The following PRRX2 variants were observed in gnomAD, a reference collection of about 807,000 sequenced individuals.
PRRX2 encodes paired related homeobox 2, also known as paired mesoderm homeobox protein 2.
In PRRX2, 11 loss-of-function variants were observed where a neutral mutation model predicts 18.0. The ratio of observed to expected loss-of-function variants is 0.61; its 90% CI spans 0.39 to 1.01. PRRX2 has a LOEUF of 1.01. PRRX2 is among the 50% of genes least tolerant of loss of function. The probability of loss-of-function intolerance (pLI) is 0.01; values close to 1 mark genes in which losing one functional copy is unlikely to be tolerated. For missense variants in PRRX2, 387 were observed against 351.0 expected (o/e 1.10, Z -0.82); for synonymous variants, 177 against 154.8 (o/e 1.14, Z -1.06).
chr9:129,675,634 C>T lies in PRRX2; in HGVS notation c.259+9508C>T, dbSNP rs1832154284. ...CCCCACCCCCGCCTCCCTGTCTGTC[C>T]TCCCCCACTGCCGGTCTCCCCCTCG... On this transcript the variant is annotated intron_variant, in intron 1 of 3. Transcript: ENST00000372469. The surrounding 1 kb of genome is among the most constrained non-coding windows in gnomAD (Gnocchi z 4.4). Among the ~76,000 whole-genome samples, 1 of 151,730 alleles carries T rather than the reference C, an allele frequency of 6.6e-6. No individual in the cohort carries two copies. The highest frequency in any genetic ancestry group is 2.4e-5 in the African/African-American group (1 of 41,288).
chr9:129,715,327 G>A lies in PRRX2; in HGVS notation c.260-3904G>A, dbSNP rs2130933605. 6.6e-6 allele frequency among the ~76,000 whole-genome samples: 1 copy of A among 152,294 alleles called. No individual in the cohort carries two copies. Among genetic ancestry groups the A allele is most frequent in the African/African-American group, 2.4e-5 (1 of 41,570 alleles). ...GATATTTAGCAAGGCCAAGCATGGT[G>A]GCTCGTGCCTGTAATCCCAGTACTT... is the stretch of plus-strand genomic sequence containing the variant. On this transcript the variant is annotated intron_variant, in intron 1 of 3. Coordinates refer to ENST00000372469, the MANE Select transcript of PRRX2 (RefSeq NM_016307.4). The surrounding 1 kb of genome is among the most constrained non-coding windows in gnomAD (Gnocchi z 4.0).
At chr9:129,721,061 G>A (rs1205344010) in intron 3 of PRRX2, among the ~76,000 whole-genome samples, 2 of 152,226 alleles carry the variant, frequency 1.3e-5, no homozygotes, top group African/African-American at 2.4e-5. Flanking sequence ...GCAAAGGAGC[G>A]TGCAAGCATG....
intron 1 of PRRX2, among the ~76,000 whole-genome samples, chr9:129,674,184 G>T (rs1397767679): frequency 6.6e-6 from 1 of 152,164 alleles, no homozygotes; most frequent in Non-Finnish European, 1.5e-5. Context: ...GGGTCCAGCT[G>T]CCCTGCTCTG....
In PRRX2 at chr9:129,715,615, G is replaced by A. The variant is rs909521266; in HGVS notation, c.260-3616G>A. 6.6e-6 allele frequency among the ~76,000 whole-genome samples: 1 copy of A among 151,898 alleles called. No homozygotes were observed. Among genetic ancestry groups the A allele is most frequent in the African/African-American group, 2.4e-5 (1 of 41,344 alleles). On this transcript the variant is annotated intron_variant, in intron 1 of 3. Coordinates refer to ENST00000372469, the MANE Select transcript of PRRX2 (RefSeq NM_016307.4). This position sits in a 1 kb window ranked among gnomAD's most constrained non-coding sequence, Gnocchi z 4.0. The stretch of plus-strand genomic sequence containing the variant: ...CAAAAAATAAAAAAGATATTTAGCA[G>A]CACTCCTGGCCTCTTTACCATTAGA...
intron 1 of PRRX2, among the ~76,000 whole-genome samples, chr9:129,711,608 C>T (rs1224854240): frequency 6.6e-6 from 1 of 151,952 alleles, no homozygotes; most frequent in African/African-American, 2.4e-5. Flanking sequence ...GGGGTTTCAC[C>T]ATGTTGGCCG....
At chr9:129,672,233 G>C (rs1442424920) in intron 1 of PRRX2, among the ~76,000 whole-genome samples, 3 of 152,198 alleles carry the variant, frequency 2.0e-5, no homozygotes, top group Admixed American at 2.0e-4. Context: ...TGGAGCAGAA[G>C]GGGGTGGCCG....
At position 129,715,182 on chromosome 9, in the gene PRRX2, G is replaced by A. The variant is rs1186823778; in HGVS notation, c.260-4049G>A. On this transcript the variant is annotated intron_variant, in intron 1 of 3. Coordinates refer to ENST00000372469, the MANE Select transcript of PRRX2 (RefSeq NM_016307.4). The surrounding 1 kb of genome is among the most constrained non-coding windows in gnomAD (Gnocchi z 4.0). ...ATGTTTGCAAGTATTTCCCAAAGGG[G>A]GAAACTTCTGAACATAACCTCCTAG... Among the ~76,000 whole-genome samples, 1 of 152,122 alleles carries A rather than the reference G, an allele frequency of 6.6e-6. No homozygotes were observed. The highest frequency in any genetic ancestry group is 1.9e-4 in the East Asian group (1 of 5,198).
At chr9:129,711,736 G>A (rs1405007278) in intron 1 of PRRX2, among the ~76,000 whole-genome samples, 5 of 152,012 alleles carry the variant, frequency 3.3e-5, no homozygotes, top group Non-Finnish European at 5.9e-5. Flanking sequence ...GGCTGGGAGC[G>A]GTTAAAGGTT....
At chr9:129,679,719 C>T (rs1364341171) in intron 1 of PRRX2, among the ~76,000 whole-genome samples, 3 of 152,176 alleles carry the variant, frequency 2.0e-5, no homozygotes, top group Non-Finnish European at 2.9e-5. Flanking sequence ...GGCTGCTGAA[C>T]GAAACCAGAG....
Position 129,711,399 on chromosome 9 carries a change from C to CTTTTT in PRRX2, c.260-7812_260-7808dup, listed in dbSNP as rs897807963. Among the ~76,000 whole-genome samples the CTTTTT allele has an allele frequency of 3.1e-3, 265 of 85,040 alleles. 5 individuals are homozygous for CTTTTT. Among genetic ancestry groups the CTTTTT allele is most frequent in the Non-Finnish European group, 4.3e-3 (192 of 45,072 alleles). The allele number at this position is 85,040 out of a possible 152,430, so 55.8% of individuals were successfully genotyped here. ...ATTCCCATTTTTCAGGTGAGATTCT[C>CTTTTT]TTTTTTTTTTTTTTTTTTTTTTTTG... On this transcript the variant is annotated intron_variant, in intron 1 of 3. Transcript: ENST00000372469.
In PRRX2 at chr9:129,722,488, G is replaced by A. The variant is rs1192227862; in HGVS notation, c.*136G>A. 1.2e-5 allele frequency: 12 copies of A among 994,348 alleles called. No individual in the cohort carries two copies. The highest frequency in any genetic ancestry group is 1.7e-5 in the African/African-American group (1 of 59,486). 61.6% of individuals were successfully genotyped at this position (994,348 alleles called of 1,614,324 possible). ...CCAGCCTGGACTCCCGAGCCCACGA[G>A]GCTGTTGAGGCCCCTGCAGCCGGGC... On this transcript the variant is annotated 3_prime_UTR_variant, in exon 4 of 4. Transcript: ENST00000372469.
chr9:129,722,254 G>A lies in PRRX2; in HGVS notation c.664G>A (p.Ala222Thr), dbSNP rs566612578. The change falls in exon 4 of 4, where the codon GCA becomes ACA. Residue 222 changes from alanine (A) to threonine (T), a missense_variant. Transcript: ENST00000372469. ...PPYSPGSSGP[A>T]TPGVNMANSI... ...CTACAGCCCTGGGAGCTCAGGCCCC[G>A]CAACCCCAGGGGTCAACATGGCCAA... The A allele has an allele frequency of 9.9e-6, 16 of 1,613,786 alleles. No homozygotes were observed. Among genetic ancestry groups the A allele is most frequent in the East Asian group, 8.9e-5 (4 of 44,886 alleles).
rs1296391377 is a variant in PRRX2 at position 129,709,098 on chromosome 9, G to A, written c.260-10133G>A. ...GGCTGGGCATGTAGGCTGAAATCCA[G>A]GGCTGGGTCAGCTTTAGCCAGTGCG... On this transcript the variant is annotated intron_variant, in intron 1 of 3. Transcript: ENST00000372469. The surrounding 1 kb of genome is among the most constrained non-coding windows in gnomAD (Gnocchi z 4.2). Among the ~76,000 whole-genome samples the A allele has an allele frequency of 6.6e-6, 1 of 152,102 alleles. No homozygotes were observed. Among genetic ancestry groups the A allele is most frequent in the Non-Finnish European group, 1.5e-5 (1 of 68,014 alleles).
Position 129,720,507 on chromosome 9 carries a change from G to A in PRRX2, c.448-89G>A, listed in dbSNP as rs574441963. The stretch of plus-strand genomic sequence containing the variant: ...AGAGAGGTGACGCTGCCAGCCCTGG[G>A]CTGGTGACAGAGCAGGCACACACCC... On this transcript the variant is annotated intron_variant, in intron 2 of 3. Transcript: ENST00000372469. 5.4e-6 allele frequency: 7 copies of A among 1,302,810 alleles called. No individual in the cohort carries two copies. The South Asian group carries it at 9.0e-5, about 17-fold the overall frequency. The allele number at this position is 1,302,810 out of a possible 1,614,324, so 80.7% of individuals were successfully genotyped here.
chr9:129,672,837 A>G (rs893897695), intron 1 of PRRX2, among the ~76,000 whole-genome samples: 3 of 152,142 alleles, frequency 2.0e-5, no homozygotes, highest in South Asian at 4.1e-4. Context: ...TGTAACAGCA[A>G]TAGGACAGGT....
At chr9:129,699,933 A>C (rs1832473537) in intron 1 of PRRX2, among the ~76,000 whole-genome samples, 1 of 152,202 alleles carries the variant, frequency 6.6e-6, no homozygotes, top group South Asian at 2.1e-4. Context: ...TCTGCCTCTC[A>C]GCATCCCAAG....
rs376858807 is a variant in PRRX2 at position 129,719,292 on chromosome 9, C to T, written c.321C>T (p.Asn107=). The change falls in exon 2 of 4, where the codon AAC becomes AAT. Residue 107 remains asparagine, a synonymous_variant. Transcript: ENST00000372469. ...AAKRKKKQRR[N]RTTFNSSQLQ... The stretch of plus-strand genomic sequence containing the variant: ...AGCGGAAGAAGAAGCAGCGGCGGAA[C>T]CGCACCACGTTCAACAGCAGCCAAC... The T allele has an allele frequency of 4.3e-5, 70 of 1,610,928 alleles. No homozygotes were observed. The highest frequency in any genetic ancestry group is 5.0e-5 in the Non-Finnish European group (59 of 1,179,126).
intron 1 of PRRX2, among the ~76,000 whole-genome samples, chr9:129,680,716 G>A (rs1419763565): frequency 6.6e-6 from 1 of 152,068 alleles, no homozygotes; most frequent in East Asian, 1.9e-4. Context: ...CCGCACACAG[G>A]ACCCAGATCC....
At chr9:129,699,171 C>T (rs1426177002) in intron 1 of PRRX2, among the ~76,000 whole-genome samples, 4 of 152,230 alleles carry the variant, frequency 2.6e-5, no homozygotes, top group East Asian at 1.9e-4. Flanking sequence ...GCCCATAATC[C>T]CAGAACTTTG....
Sources: gnomAD v4.1 joint callset for allele counts (sites outside exome capture counted in the v4.1 genomes callset) on GRCh38, gnomAD v4.1.1 for gene constraint, Gnocchi (gnomAD v3.1) non-coding constraint, MANE v1.5 for transcripts, NCBI Gene and HGNC (gene_info 2026-07-23, HGNC 2026-07-21) for gene names.